ANOS1: variants seen among roughly 807,000 people sequenced by gnomAD.
ANOS1 encodes the protein anosmin-1.
A neutral mutation model predicts 59.0 loss-of-function variants in ANOS1; 6 were observed. The ratio of observed to expected loss-of-function variants is 0.10; its 90% CI spans 0.06 to 0.20. The LOEUF (loss-of-function observed/expected upper bound fraction) is 0.20, where lower values mean the gene tolerates loss of function less well. Ranked by LOEUF, ANOS1 falls within the 10% of genes least tolerant of loss-of-function variation. The pLI is 1.00. For synonymous variants in ANOS1, 217 were observed against 223.4 expected (o/e 0.97, Z 0.25); for missense variants, 433 against 542.3 (o/e 0.80, Z 2.00).
At chrX:8,649,297 G>A (rs899751954) in intron 2 of ANOS1, among the ~76,000 whole-genome samples, 2 of 112,169 alleles carry the variant, frequency 1.8e-5, no homozygotes, top group African/African-American at 6.5e-5. Context: ...AAGTAAGAGC[G>A]AGAAGAGTCC....
At chrX:8,616,403 A>G (rs1931177110) in intron 3 of ANOS1, among the ~76,000 whole-genome samples, 2 of 111,605 alleles carry the variant, frequency 1.8e-5, no homozygotes, top group Admixed American at 1.9e-4. Flanking sequence ...TAACTCATAG[A>G]CCTGTTTTCT....
intron 2 of ANOS1, among the ~76,000 whole-genome samples, chrX:8,670,234 G>T (rs1396261836): frequency 9.0e-6 from 1 of 111,098 alleles, no homozygotes; most frequent in Non-Finnish European, 1.9e-5. Flanking sequence ...TATCAGCATA[G>T]TGCCTAAGAT....
At chrX:8,727,913 A>T (rs968065662) in intron 1 of ANOS1, among the ~76,000 whole-genome samples, 1 of 112,946 alleles carries the variant, frequency 8.9e-6, no homozygotes, top group Non-Finnish European at 1.9e-5. Context: ...TGCTAAAATT[A>T]AACTTTAAAA....
At chrX:8,721,531 C>T (rs912071296) in intron 1 of ANOS1, among the ~76,000 whole-genome samples, 5 of 112,264 alleles carry the variant, frequency 4.5e-5, no homozygotes, top group African/African-American at 1.6e-4. Context: ...TGTCCTGTGG[C>T]TCAGGAATTC....
intron 2 of ANOS1, among the ~76,000 whole-genome samples, chrX:8,680,022 ATGG>A (rs913095752): frequency 2.5e-4 from 27 of 109,377 alleles, no homozygotes; most frequent in Non-Finnish European, 4.4e-4. Flanking sequence ...TTAGCCTGGC[ATGG>A]TGGTGTGTGC....
chrX:8,610,006 CAAAAAAA>C (rs1167209336), intron 3 of ANOS1, among the ~76,000 whole-genome samples: 6 of 9,158 alleles, frequency 6.6e-4, no homozygotes, highest in East Asian at 5.7e-3. Context: ...GACTCCATCT[CAAAAAAA>C]AAAAAAAAAA....
chrX:8,650,988 T>C (rs776581991), intron 2 of ANOS1, among the ~76,000 whole-genome samples: 2 of 113,114 alleles, frequency 1.8e-5, no homozygotes, highest in Non-Finnish European at 3.7e-5. Context: ...CAGATTCTCA[T>C]GCAAATGTTC....
At chrX:8,596,221 C>G (rs1930733462) in intron 4 of ANOS1, among the ~76,000 whole-genome samples, 1 of 111,362 alleles carries the variant, frequency 9.0e-6, no homozygotes, top group Non-Finnish European at 1.9e-5. Context: ...CCCCCTCCCC[C>G]AACATGGAAA....
intron 2 of ANOS1, among the ~76,000 whole-genome samples, chrX:8,642,892 T>G (rs1931689457): frequency 8.9e-6 from 1 of 112,095 alleles, no homozygotes; most frequent in South Asian, 3.8e-4. Flanking sequence ...TAGCAGCAAT[T>G]ACTTCAAATT....
intron 2 of ANOS1, among the ~76,000 whole-genome samples, chrX:8,627,843 TA>T (rs764925236): frequency 2.0e-3 from 198 of 101,253 alleles, no homozygotes; most frequent in South Asian, 2.9e-3. Flanking sequence ...GCAAGCAATT[TA>T]AAAAAAAAAA....
chrX:8,729,298 G>A (rs1932947778), intron 1 of ANOS1, among the ~76,000 whole-genome samples: 1 of 110,078 alleles, frequency 9.1e-6, no homozygotes, highest in Non-Finnish European at 1.9e-5. Flanking sequence ...CAGGAGTTGG[G>A]GGCGGGGGTG....
At chrX:8,630,627 T>A (rs1931473603) in intron 2 of ANOS1, among the ~76,000 whole-genome samples, 1 of 110,389 alleles carries the variant, frequency 9.1e-6, no homozygotes, top group African/African-American at 3.3e-5. Context: ...ATGTATGGAG[T>A]GGGGAGTATG....
chrX:8,589,001 C>G (rs12390076), intron 4 of ANOS1, among the ~76,000 whole-genome samples: 47,181 of 111,074 alleles, frequency 0.42, 7,441 homozygotes, highest in African/African-American at 0.55. Context: ...TCTATTTCTT[C>G]TTCCATTTTG....
intron 1 of ANOS1, among the ~76,000 whole-genome samples, chrX:8,724,260 C>T (rs184461278): frequency 6.7e-4 from 75 of 111,957 alleles, no homozygotes; most frequent in Non-Finnish European, 1.2e-3. Flanking sequence ...AATGGAACCA[C>T]GTGTTTCTGA....
At chrX:8,649,451 A>G (rs1436343653) in intron 2 of ANOS1, among the ~76,000 whole-genome samples, 1 of 111,513 alleles carries the variant, frequency 9.0e-6, no homozygotes, top group Non-Finnish European at 1.9e-5. Context: ...GGGATTCACC[A>G]ATGAGCCATC....
intron 1 of ANOS1, among the ~76,000 whole-genome samples, chrX:8,720,857 G>A (rs1259697923): frequency 8.9e-6 from 1 of 111,824 alleles, no homozygotes; most frequent in Non-Finnish European, 1.9e-5. Flanking sequence ...GCCTAGGAGT[G>A]CAAAGCTACA....
At chrX:8,645,607 T>A (rs1931739708) in intron 2 of ANOS1, among the ~76,000 whole-genome samples, 1 of 111,777 alleles carries the variant, frequency 8.9e-6, no homozygotes, top group African/African-American at 3.3e-5. Flanking sequence ...TTTATTTTTA[T>A]TTTTAGTTTC....
chrX:8,594,764 ATAT>A (rs574893546), intron 4 of ANOS1, among the ~76,000 whole-genome samples: 2,291 of 74,483 alleles, frequency 0.031, 118 homozygotes, highest in African/African-American at 0.094. Context: ...ATATATATAT[ATAT>A]TTTTTTTTTG....
intron 8 of ANOS1, among the ~76,000 whole-genome samples, chrX:8,557,219 C>G (rs189209749): frequency 4.8e-4 from 54 of 112,152 alleles, no homozygotes; most frequent in African/African-American, 1.6e-3. Flanking sequence ...ACCATAAAAA[C>G]ACTAGAAGAA....
Sources: allele counts gnomAD v4.1 joint callset (sites outside exome capture counted in the v4.1 genomes callset), GRCh38; gene constraint gnomAD v4.1.1; transcripts MANE v1.5; gene names NCBI Gene and HGNC (gene_info 2026-07-23, HGNC 2026-07-21).